Variants in GPC5 observed in about 807,000 individuals in gnomAD.
GPC5 encodes glypican-5.
In GPC5, 47 loss-of-function variants were observed where a neutral mutation model predicts 53.9. The observed-to-expected ratio is 0.87, with a 90% CI of 0.69 to 1.11. The LOEUF (loss-of-function observed/expected upper bound fraction) is 1.11. GPC5 is among the 50% of genes most tolerant of loss of function. The pLI, the probability that GPC5 is intolerant of heterozygous loss-of-function variation, is 0.00. For synonymous variants in GPC5, 286 were observed against 263.3 expected (o/e 1.09, Z -0.84); for missense variants, 748 against 713.1 (o/e 1.05, Z -0.56).
At chr13:92,309,977 C>A (rs117051171) in intron 7 of GPC5, among the ~76,000 whole-genome samples, 2,212 of 152,012 alleles carry the variant, frequency 0.015, 26 homozygotes, top group South Asian at 0.024. Flanking sequence ...TTTTTAGAAT[C>A]CACAGGTAAG....
At chr13:91,841,432 T>G (rs1054862631) in intron 5 of GPC5, among the ~76,000 whole-genome samples, 21 of 151,104 alleles carry the variant, frequency 1.4e-4, no homozygotes, top group Middle Eastern at 3.4e-3. Flanking sequence ...ATTGAATCGT[T>G]ACGTTTAAGA....
chr13:91,536,372 G>T (rs1248633294), intron 2 of GPC5, among the ~76,000 whole-genome samples: 1 of 152,124 alleles, frequency 6.6e-6, no homozygotes. Context: ...CTCACTAGTG[G>T]CCTCGAGAAA....
At chr13:92,580,263 G>A (rs992325700) in intron 7 of GPC5, among the ~76,000 whole-genome samples, 2 of 152,180 alleles carry the variant, frequency 1.3e-5, no homozygotes, top group African/African-American at 4.8e-5. Context: ...AAATCCAAAA[G>A]AGTGACATTT....
chr13:91,861,928 T>C (rs986907515), intron 5 of GPC5, among the ~76,000 whole-genome samples: 1 of 151,726 alleles, frequency 6.6e-6, no homozygotes, highest in Non-Finnish European at 1.5e-5. Flanking sequence ...TCATATACAA[T>C]GTAAAAAACT....
Position 91,637,532 on chromosome 13 carries a change from T to C in GPC5, c.326-55655T>C, listed in dbSNP as rs536356572. 4.1e-4 allele frequency among the ~76,000 whole-genome samples: 63 copies of C among 152,322 alleles called. 2 individuals are homozygous for C. Among genetic ancestry groups the C allele is most frequent in the African/African-American group, 1.4e-3 (59 of 41,578 alleles). On this transcript the variant is annotated intron_variant, in intron 2 of 7. Coordinates refer to ENST00000377067, the MANE Select transcript of GPC5 (RefSeq NM_004466.6). ...AGGAAGTAGGTACCAAATGAATTCA[T>C]ATTTCTGGAAAGAACAAGAAGTGAT...
intron 7 of GPC5, among the ~76,000 whole-genome samples, chr13:92,449,519 T>C (rs1334506147): frequency 6.6e-6 from 1 of 152,224 alleles, no homozygotes; most frequent in African/African-American, 2.4e-5. Context: ...CTGTATGCTG[T>C]ATTTTTATTA....
chr13:92,698,198 G>A (rs1887615673), intron 7 of GPC5, among the ~76,000 whole-genome samples: 1 of 151,786 alleles, frequency 6.6e-6, no homozygotes, highest in South Asian at 2.1e-4. Context: ...TAAGATTTAG[G>A]GTACATGTGC....
chr13:92,703,038 C>T (rs1887807208), intron 7 of GPC5, among the ~76,000 whole-genome samples: 2 of 144,546 alleles, frequency 1.4e-5, no homozygotes, highest in East Asian at 4.2e-4. Flanking sequence ...CATCCCTATA[C>T]CTGGCATATA....
intron 7 of GPC5, among the ~76,000 whole-genome samples, chr13:92,394,908 C>T (rs961319735): frequency 1.3e-5 from 2 of 152,086 alleles, no homozygotes; most frequent in Non-Finnish European, 2.9e-5. Flanking sequence ...AATGTCATTG[C>T]TTTGCAGGAA....
intron 2 of GPC5, among the ~76,000 whole-genome samples, chr13:91,637,574 A>C (rs1435761012): frequency 6.6e-6 from 1 of 152,166 alleles, no homozygotes. Context: ...GTTCAAGAAA[A>C]GCTATTACAG....
intron 5 of GPC5, among the ~76,000 whole-genome samples, chr13:91,805,306 A>T (rs1408655506): frequency 6.6e-6 from 1 of 152,230 alleles, no homozygotes; most frequent in Non-Finnish European, 1.5e-5. Flanking sequence ...GCGTGTAAAA[A>T]TATGGCTAAA....
intron 7 of GPC5, among the ~76,000 whole-genome samples, chr13:92,558,461 T>C (rs996238029): frequency 2.0e-5 from 3 of 152,080 alleles, no homozygotes; most frequent in African/African-American, 7.2e-5. Context: ...CCAAGTATTA[T>C]ATGCATTTGT....
chr13:91,739,669 T>C (rs986161554), intron 4 of GPC5, among the ~76,000 whole-genome samples: 2 of 151,338 alleles, frequency 1.3e-5, no homozygotes, highest in African/African-American at 4.9e-5. Context: ...CTTGAGTGTC[T>C]TCACATTGCG....
At chr13:92,054,869 C>T (rs2041061870) in intron 6 of GPC5, among the ~76,000 whole-genome samples, 2 of 152,100 alleles carry the variant, frequency 1.3e-5, no homozygotes, top group African/African-American at 4.8e-5. Flanking sequence ...TATGCTTTGA[C>T]TTTATTTCTA....
intron 7 of GPC5, among the ~76,000 whole-genome samples, chr13:92,734,005 T>C (rs900135993): frequency 2.0e-5 from 3 of 151,828 alleles, no homozygotes; most frequent in Non-Finnish European, 4.4e-5. Context: ...AGATAGTGGC[T>C]GAGGCAGCAG....
chr13:92,678,095 G>A (rs1008445871), intron 7 of GPC5, among the ~76,000 whole-genome samples: 5 of 152,216 alleles, frequency 3.3e-5, no homozygotes, highest in South Asian at 2.1e-4. Context: ...ATTCTTGACC[G>A]TAATTTTACA....
intron 6 of GPC5, among the ~76,000 whole-genome samples, chr13:92,014,782 C>T (rs2040692672): frequency 6.6e-6 from 1 of 152,056 alleles, no homozygotes; most frequent in African/African-American, 2.4e-5. Context: ...TTCCTGAGGT[C>T]ATCTATAATA....
At chr13:91,691,052 A>C (rs1405674953) in intron 2 of GPC5, among the ~76,000 whole-genome samples, 5 of 152,184 alleles carry the variant, frequency 3.3e-5, no homozygotes, top group Non-Finnish European at 4.4e-5. Flanking sequence ...AGAAACATAC[A>C]GGCTTGGCAG....
chr13:92,723,835 T>C (rs896923664), intron 7 of GPC5, among the ~76,000 whole-genome samples: 7 of 151,656 alleles, frequency 4.6e-5, no homozygotes, highest in Admixed American at 2.0e-4. Context: ...TTCTGTGAAA[T>C]ATAATTCTAT....
Sources: gnomAD v4.1 joint callset for allele counts (sites outside exome capture counted in the v4.1 genomes callset) on GRCh38, gnomAD v4.1.1 for gene constraint, MANE v1.5 for transcripts, NCBI Gene and HGNC (gene_info 2026-07-23, HGNC 2026-07-21) for gene names.